Variants in SPPL2A observed in about 807,000 individuals in gnomAD.
SPPL2A encodes the protein signal peptide peptidase like 2A, also known as signal peptide peptidase-like 2A.
In SPPL2A, 51 loss-of-function variants were observed where a neutral mutation model predicts 63.8. The ratio of observed to expected loss-of-function variants is 0.80; its 90% CI spans 0.64 to 1.01. SPPL2A has a LOEUF of 1.01. Among genes scored for constraint, SPPL2A ranks in the 50% least tolerant of loss-of-function variants. The probability of loss-of-function intolerance (pLI) is 0.00; values close to 1 mark genes in which losing one functional copy is unlikely to be tolerated. For synonymous variants in SPPL2A, 188 were observed against 205.8 expected (o/e 0.91, Z 0.74); for missense variants, 553 against 622.7 (o/e 0.89, Z 1.19).
chr15:50,764,913 C>CAAA (rs34049728), intron 1 of SPPL2A, among the ~76,000 whole-genome samples: 2 of 144,496 alleles, frequency 1.4e-5, no homozygotes, highest in African/African-American at 5.0e-5. Context: ...ACCCCCCCTC[C>CAAA]AAAAAAAAAA....
intron 10 of SPPL2A, among the ~76,000 whole-genome samples, chr15:50,730,576 G>A (rs919893448): frequency 1.3e-5 from 2 of 152,106 alleles, no homozygotes; most frequent in African/African-American, 2.4e-5. Flanking sequence ...CTTGCCTATG[G>A]TTGCAAGGTT....
At chr15:50,710,003 G>A (rs1293842792) in intron 14 of SPPL2A, among the ~76,000 whole-genome samples, 1 of 152,094 alleles carries the variant, frequency 6.6e-6, no homozygotes, top group Non-Finnish European at 1.5e-5. Context: ...AGATGAAGAT[G>A]TTGAACATTT....
Position 50,747,490 on chromosome 15 carries a change from C to T in SPPL2A, c.584+5G>A. On this transcript the variant is annotated splice_donor_5th_base_variant and intron_variant, in intron 5 of 14. Transcript: ENST00000261854. Reference sequence around the variant, plus strand: ...TACAAAAACGCTTAAGTTAATTAAACTTACAATTCAACTAGTCCACTCCAG... The same window carrying T: ...TACAAAAACGCTTAAGTTAATTAAATTTACAATTCAACTAGTCCACTCCAG... 3.8e-6 allele frequency: 6 copies of T among 1,594,066 alleles called. No homozygotes were observed. Among genetic ancestry groups the T allele is most frequent in the African/African-American group, 1.4e-5 (1 of 73,796 alleles).
chr15:50,742,908 T>TA (rs1478710529), intron 5 of SPPL2A: 1 of 152,150 alleles, frequency 6.6e-6, no homozygotes, highest in Non-Finnish European at 1.5e-5. Context: ...AGCGTGTATA[T>TA]AAAAAAGCTT....
chr15:50,735,790 T>A (rs1475411683), intron 8 of SPPL2A, among the ~76,000 whole-genome samples: 1 of 152,156 alleles, frequency 6.6e-6, no homozygotes, highest in African/African-American at 2.4e-5. Flanking sequence ...TTGGTCAGGC[T>A]GGTCTCAAAC....
intron 2 of SPPL2A, 63 bp downstream of exon 2, chr15:50,749,573 A>G (rs2141053159): frequency 1.8e-6 from 2 of 1,094,920 alleles, no homozygotes; most frequent in Non-Finnish European, 2.8e-6. Flanking sequence ...GGCATGAGCC[A>G]CCGTGCCCAG....
At chr15:50,736,463 G>A (rs1340192946) in intron 7 of SPPL2A, among the ~76,000 whole-genome samples, 181 bp downstream of exon 7, 2 of 152,150 alleles carry the variant, frequency 1.3e-5, no homozygotes, top group Admixed American at 6.6e-5. Context: ...CACTTGAAAT[G>A]TGGCTAATAA....
At chr15:50,738,854 C>T (rs1474453257) in intron 6 of SPPL2A, among the ~76,000 whole-genome samples, 1 of 152,142 alleles carries the variant, frequency 6.6e-6, no homozygotes, top group Non-Finnish European at 1.5e-5. Flanking sequence ...ACTTTCTAGA[C>T]CACAGGGAAG....
intron 12 of SPPL2A, among the ~76,000 whole-genome samples, chr15:50,723,449 TAC>T (rs2062663125): frequency 6.6e-6 from 1 of 152,122 alleles, no homozygotes; most frequent in South Asian, 2.1e-4. Flanking sequence ...ATGTGGTACA[TAC>T]ACAGACTGGA....
At chr15:50,743,639 G>A (rs1207352630) in intron 5 of SPPL2A, among the ~76,000 whole-genome samples, 1 of 151,922 alleles carries the variant, frequency 6.6e-6, no homozygotes, top group Non-Finnish European at 1.5e-5. Flanking sequence ...GAGCCACCAC[G>A]CCTGGCCTGA....
rs140174698 is a variant in SPPL2A, at chr15:50,725,330, A to AAAAACAAAAC, written c.1147-17_1147-8dup. Reference sequence around the variant, plus strand: ...CTCTGATGACTACTGGCAACTGTTCAAAAACAAAACAAAACAAAACAAAAC... The same window carrying AAAAACAAAAC: ...CTCTGATGACTACTGGCAACTGTTCAAAAACAAAACAAAACAAAACAAAACAAAACAAAAC... On this transcript the variant is annotated splice_polypyrimidine_tract_variant and splice_region_variant and intron_variant, in intron 11 of 14. Transcript: ENST00000261854. 1 of 1,241,552 alleles carries AAAAACAAAAC rather than the reference A, an allele frequency of 8.1e-7. No homozygotes were observed. Among genetic ancestry groups the AAAAACAAAAC allele is most frequent in the African/African-American group, 1.6e-5 (1 of 63,362 alleles). The allele number at this position is 1,241,552 out of a possible 1,614,324, so 76.9% of individuals were successfully genotyped here. A position where few individuals can be genotyped will look rare whatever the true frequency, so the allele number is the denominator to read the frequency against.
intron 14 of SPPL2A, among the ~76,000 whole-genome samples, chr15:50,711,637 A>T: frequency 6.6e-6 from 1 of 152,196 alleles, no homozygotes; most frequent in East Asian, 1.9e-4. Context: ...CCAAGTTACA[A>T]GTGAGGTATA....
intron 1 of SPPL2A, among the ~76,000 whole-genome samples, chr15:50,756,557 T>TA (rs911211031): frequency 6.6e-6 from 1 of 151,554 alleles, no homozygotes; most frequent in Non-Finnish European, 1.5e-5. Context: ...ATTAAAACCT[T>TA]AAAAAAAATT....
chr15:50,739,832 T>C lies in SPPL2A; in HGVS notation c.585-4A>G. 1.3e-6 allele frequency: 2 copies of C among 1,587,824 alleles called. No homozygotes were observed. The highest frequency in any genetic ancestry group is 1.7e-6 in the Non-Finnish European group (2 of 1,172,512). On this transcript the variant is annotated splice_polypyrimidine_tract_variant and splice_region_variant and intron_variant, in intron 5 of 14. Coordinates refer to ENST00000261854, the MANE Select transcript of SPPL2A (RefSeq NM_032802.4). ...TGTCACTGCTTTCAAGTTTTCCCTG[T>C]ACAAACACACAGGAACTTTAGCAAA...
chr15:50,739,531 C>T (rs1008606711), intron 6 of SPPL2A, 149 bp downstream of exon 6: 3 of 487,726 alleles, frequency 6.2e-6, no homozygotes, highest in Non-Finnish European at 1.0e-5. Context: ...AGAGACCTAA[C>T]ACTCTGATAA....
At chr15:50,743,783 A>G (rs1000530782) in intron 5 of SPPL2A, among the ~76,000 whole-genome samples, 1 of 152,252 alleles carries the variant, frequency 6.6e-6, no homozygotes, top group Non-Finnish European at 1.5e-5. Flanking sequence ...AACATTTTCA[A>G]TAAATCAGCA....
chr15:50,758,419 G>T (rs1217303067), intron 1 of SPPL2A, among the ~76,000 whole-genome samples: 1 of 150,300 alleles, frequency 6.7e-6, no homozygotes, highest in Non-Finnish European at 1.5e-5. Flanking sequence ...TGCAAGCTCT[G>T]CCTCCCAGGT....
intron 4 of SPPL2A, 100 bp from the exon 5 acceptor site, chr15:50,747,728 A>G (rs1471618620): frequency 2.5e-6 from 2 of 808,118 alleles, no homozygotes; most frequent in Non-Finnish European, 4.1e-6. Context: ...GACATTATAC[A>G]TCAGACAGTC....
chr15:50,761,130 C>T (rs530652254), intron 1 of SPPL2A, among the ~76,000 whole-genome samples: 1 of 152,242 alleles, frequency 6.6e-6, no homozygotes, highest in East Asian at 1.9e-4. Context: ...CTACCTCAGC[C>T]TCCCACGTAG....
Sources: gnomAD v4.1 joint callset for allele counts (sites outside exome capture counted in the v4.1 genomes callset) on GRCh38, gnomAD v4.1.1 for gene constraint, MANE v1.5 for transcripts, NCBI Gene and HGNC (gene_info 2026-07-23, HGNC 2026-07-21) for gene names.